The following LCLAT1 variants were observed in gnomAD, a reference collection of about 807,000 sequenced individuals.
LCLAT1 encodes the protein lysocardiolipin acyltransferase 1, also known as 1-AGP acyltransferase 8.
In LCLAT1, 11 loss-of-function variants were observed where a neutral mutation model predicts 30.7. The observed-to-expected ratio is 0.36, with a 90% CI of 0.23 to 0.59. LCLAT1 has a LOEUF of 0.59. LCLAT1 is among the 20% of genes least tolerant of loss of function. LCLAT1 has a pLI of 0.77. For missense variants in LCLAT1, 402 were observed against 458.6 expected (o/e 0.88, Z 1.13); for synonymous variants, 155 against 151.3 (o/e 1.02, Z -0.18).
chr2:30,522,615 G>A (rs913847928), intron 1 of LCLAT1, among the ~76,000 whole-genome samples: 5 of 152,126 alleles, frequency 3.3e-5, no homozygotes, highest in East Asian at 1.9e-4. Flanking sequence ...CCTGGCACAC[G>A]GTAATTGGGA....
Position 30,586,331 on chromosome 2 carries a change from C to T in LCLAT1, c.628+18155C>T, listed in dbSNP as rs546996171. Among the ~76,000 whole-genome samples the T allele has an allele frequency of 4.6e-5, 7 of 151,908 alleles. No homozygotes were observed. The East Asian group carries it at 1.4e-3, about 29-fold the overall frequency. On this transcript the variant is annotated intron_variant, in intron 5 of 5. Coordinates refer to ENST00000379509, the MANE Select transcript of LCLAT1 (RefSeq NM_001002257.3). ...TGAAATCAAGGTATTGGCAGAGCCA[C>T]GCTCCCTCTGAAGGCTTTGGGGAAG...
intron 5 of LCLAT1, among the ~76,000 whole-genome samples, chr2:30,574,102 A>G (rs1665895968): frequency 1.3e-5 from 2 of 152,036 alleles, no homozygotes; most frequent in African/African-American, 2.4e-5. Flanking sequence ...AGATTGCACC[A>G]CTATACTCCA....
intron 5 of LCLAT1, among the ~76,000 whole-genome samples, chr2:30,631,170 G>A (rs1185142437): frequency 6.6e-6 from 1 of 152,146 alleles, no homozygotes; most frequent in East Asian, 1.9e-4. Context: ...CTAGGTCCTG[G>A]TACCTTCTAT....
At chr2:30,513,381 G>A (rs1203757584) in intron 1 of LCLAT1, among the ~76,000 whole-genome samples, 1 of 151,886 alleles carries the variant, frequency 6.6e-6, no homozygotes, top group African/African-American at 2.4e-5. Context: ...GAAAAAATGG[G>A]GAATTTCTAG....
intron 5 of LCLAT1, among the ~76,000 whole-genome samples, chr2:30,639,531 C>T (rs968340735): frequency 3.3e-5 from 5 of 152,114 alleles, no homozygotes; most frequent in Non-Finnish European, 7.4e-5. Flanking sequence ...TGGGCAATAG[C>T]GATTCTCTCA....
intron 1 of LCLAT1, among the ~76,000 whole-genome samples, chr2:30,523,385 C>T (rs1046019120): frequency 1.3e-5 from 2 of 151,984 alleles, no homozygotes; most frequent in Non-Finnish European, 2.9e-5. Flanking sequence ...CTCTAGGCCC[C>T]ATGTGTGAGC....
intron 2 of LCLAT1, among the ~76,000 whole-genome samples, chr2:30,532,589 A>T (rs1686035037): frequency 6.6e-6 from 1 of 152,168 alleles, no homozygotes; most frequent in Non-Finnish European, 1.5e-5. Context: ...CTAGGTACTA[A>T]GGCTTGTAGT....
intron 5 of LCLAT1, among the ~76,000 whole-genome samples, chr2:30,604,551 A>G (rs1172765035): frequency 6.6e-6 from 1 of 152,038 alleles, no homozygotes; most frequent in Non-Finnish European, 1.5e-5. Flanking sequence ...TGTGTAAAAT[A>G]AAATTATACT....
intron 1 of LCLAT1, among the ~76,000 whole-genome samples, chr2:30,485,409 CTT>C (rs1683517313): frequency 6.6e-6 from 1 of 152,058 alleles, no homozygotes; most frequent in Non-Finnish European, 1.5e-5. Flanking sequence ...GCAATGTCAT[CTT>C]TTTCAATACT....
At position 30,618,538 on chromosome 2, in the gene LCLAT1, G is replaced by A. The variant is rs1668097257; in HGVS notation, c.629-21579G>A. Among the ~76,000 whole-genome samples, 6 of 152,134 alleles carry A rather than the reference G, an allele frequency of 3.9e-5. No individual in the cohort carries two copies. The South Asian group carries it at 1.2e-3, about 32-fold the overall frequency. On this transcript the variant is annotated intron_variant, in intron 5 of 5. Transcript: ENST00000379509. ...TTAAAATTTCAGTGTTCCAAAGAAG[G>A]AAACAGCAGACACTGCGGTCTACTT... is the stretch of plus-strand genomic sequence containing the variant.
At chr2:30,497,909 G>T (rs1412677127) in intron 1 of LCLAT1, among the ~76,000 whole-genome samples, 1 of 152,118 alleles carries the variant, frequency 6.6e-6, no homozygotes, top group Non-Finnish European at 1.5e-5. Flanking sequence ...TTCTTACATA[G>T]CCTGGAATTT....
At chr2:30,455,165 A>G (rs1342588701) in intron 1 of LCLAT1, among the ~76,000 whole-genome samples, 1 of 152,126 alleles carries the variant, frequency 6.6e-6, no homozygotes, top group African/African-American at 2.4e-5. Flanking sequence ...TACTTTCTTT[A>G]ACTGTAAAAA....
intron 3 of LCLAT1, among the ~76,000 whole-genome samples, chr2:30,543,612 T>G (rs1664254013): frequency 6.6e-6 from 1 of 152,184 alleles, no homozygotes; most frequent in African/African-American, 2.4e-5. Flanking sequence ...TTTGAGTTGA[T>G]ATTGAATTCT....
intron 5 of LCLAT1, among the ~76,000 whole-genome samples, chr2:30,612,048 GAAA>G (rs1385595954): frequency 6.6e-6 from 1 of 152,124 alleles, no homozygotes; most frequent in Non-Finnish European, 1.5e-5. Flanking sequence ...TTTCTGTGAG[GAAA>G]AGACTTTCTG....
chr2:30,492,519 C>T (rs929058504), intron 1 of LCLAT1, among the ~76,000 whole-genome samples: 8 of 150,856 alleles, frequency 5.3e-5, no homozygotes, highest in African/African-American at 2.0e-4. Flanking sequence ...CTGTAGAAGA[C>T]CTTGAATTTT....
chr2:30,586,819 T>C (rs1666463829), intron 5 of LCLAT1, among the ~76,000 whole-genome samples: 3 of 152,306 alleles, frequency 2.0e-5, no homozygotes, highest in South Asian at 4.2e-4. Context: ...CAAATGTCTT[T>C]AGTCTTTAAA....
chr2:30,640,104 T>G lies in LCLAT1; in HGVS notation c.629-13T>G. The G allele has an allele frequency of 6.3e-7, 1 of 1,599,150 alleles. No individual in the cohort carries two copies. The highest frequency in any genetic ancestry group is 1.7e-5 in the Admixed American group (1 of 57,648). ...CACTGCTTAATCTATGTTTTCATCT[T>G]TTCGAAACCCAGGTAAGAACCTTGA... is the stretch of plus-strand genomic sequence containing the variant. On this transcript the variant is annotated splice_polypyrimidine_tract_variant and intron_variant, in intron 5 of 5. Transcript: ENST00000379509.
chr2:30,638,545 A>G (rs1435339855), intron 5 of LCLAT1, among the ~76,000 whole-genome samples: 2 of 152,242 alleles, frequency 1.3e-5, no homozygotes, highest in African/African-American at 4.8e-5. Context: ...TTCTCACTGA[A>G]GGTAACATGG....
At chr2:30,461,293 T>C (rs1470054046) in intron 1 of LCLAT1, among the ~76,000 whole-genome samples, 2 of 152,218 alleles carry the variant, frequency 1.3e-5, no homozygotes, top group African/African-American at 4.8e-5. Context: ...CAGAGTGCAG[T>C]GTGCTTACCC....
Sources: gnomAD v4.1 joint callset for allele counts (sites outside exome capture counted in the v4.1 genomes callset) on GRCh38, gnomAD v4.1.1 for gene constraint, MANE v1.5 for transcripts, NCBI Gene and HGNC (gene_info 2026-07-23, HGNC 2026-07-21) for gene names.